GPC5: variants seen among roughly 807,000 people sequenced by gnomAD.
The protein encoded by GPC5 is glypican-5.
In GPC5, 47 loss-of-function variants were observed where a neutral mutation model predicts 53.9. The ratio of observed to expected loss-of-function variants is 0.87; its 90% CI spans 0.69 to 1.11. The LOEUF is 1.11. Among genes scored for constraint, GPC5 ranks in the 50% most tolerant of loss-of-function variants. The pLI, the probability that GPC5 is intolerant of heterozygous loss-of-function variation, is 0.00. For synonymous variants in GPC5, 286 were observed against 263.3 expected, an observed-to-expected ratio of 1.09 and a Z score of -0.84; for missense variants, 748 against 713.1, an observed-to-expected ratio of 1.05 and a Z score of -0.56.
chr13:92,040,075 G>A (rs1460110594), intron 6 of GPC5, among the ~76,000 whole-genome samples: 7 of 152,178 alleles, frequency 4.6e-5, no homozygotes, highest in Non-Finnish European at 1.0e-4. Context: ...GAGGATGTTG[G>A]TGGAGAGTAA....
chr13:92,400,316 C>T (rs1375791415), intron 7 of GPC5, among the ~76,000 whole-genome samples: 6 of 152,070 alleles, frequency 3.9e-5, no homozygotes, highest in South Asian at 2.1e-4. Flanking sequence ...GTTAGAATAA[C>T]GTAAAAACAG....
At chr13:92,751,018 T>G (rs1180531377) in intron 7 of GPC5, among the ~76,000 whole-genome samples, 1 of 152,122 alleles carries the variant, frequency 6.6e-6, no homozygotes, top group Admixed American at 6.5e-5. Flanking sequence ...ATAGGCATGC[T>G]TGTAGTATAA....
chr13:91,657,310 T>C (rs1176386982), intron 2 of GPC5, among the ~76,000 whole-genome samples: 1 of 152,048 alleles, frequency 6.6e-6, no homozygotes, highest in Non-Finnish European at 1.5e-5. Flanking sequence ...AAGGGAGAAA[T>C]CCAAGATGGT....
At chr13:92,320,508 C>T (rs2043208716) in intron 7 of GPC5, among the ~76,000 whole-genome samples, 1 of 152,018 alleles carries the variant, frequency 6.6e-6, no homozygotes. Flanking sequence ...TTTGGCTTTG[C>T]TTTGTTTAAA....
chr13:92,180,600 A>T (rs2042139677), intron 7 of GPC5: 1 of 153,802 alleles, frequency 6.5e-6, no homozygotes, highest in African/African-American at 2.4e-5. Flanking sequence ...GTTTGTGATA[A>T]AGATCACTGA....
intron 7 of GPC5, among the ~76,000 whole-genome samples, chr13:92,698,435 C>A (rs991296121): frequency 6.6e-6 from 1 of 151,856 alleles, no homozygotes; most frequent in Non-Finnish European, 1.5e-5. Flanking sequence ...TTTGTCCTTG[C>A]GATAGTTTGC....
intron 7 of GPC5, among the ~76,000 whole-genome samples, chr13:92,648,241 A>G (rs1171005200): frequency 6.6e-6 from 1 of 152,108 alleles, no homozygotes; most frequent in African/African-American, 2.4e-5. Context: ...ATTAGATAGA[A>G]TTATGCTGAG....
intron 6 of GPC5, among the ~76,000 whole-genome samples, chr13:91,974,395 T>C (rs1165450852): frequency 6.6e-6 from 1 of 152,110 alleles, no homozygotes; most frequent in African/African-American, 2.4e-5. Flanking sequence ...AAAATCTCCT[T>C]AAGCTGATAA....
chr13:92,131,333 G>A (rs556429947), intron 6 of GPC5, among the ~76,000 whole-genome samples: 3 of 152,082 alleles, frequency 2.0e-5, no homozygotes, highest in Non-Finnish European at 4.4e-5. Flanking sequence ...ACTCCTGGAT[G>A]TATATATTCA....
chr13:92,685,040 T>C (rs571624345), intron 7 of GPC5, among the ~76,000 whole-genome samples: 2 of 152,272 alleles, frequency 1.3e-5, no homozygotes, highest in Admixed American at 1.3e-4. Context: ...TATGCTGCCA[T>C]CAGTAATTTT....
rs577416965 is a variant in GPC5, at chr13:92,297,552, G to A, written c.1561+152563G>A. ...CTCAAGGTTTGTGAATGCACCAATC[G>A]ACACTCTGTATCTAGCTGCTCTGGT... On this transcript the variant is annotated intron_variant, in intron 7 of 7. Coordinates refer to ENST00000377067, the MANE Select transcript of GPC5 (RefSeq NM_004466.6). Among the ~76,000 whole-genome samples, 15 of 152,150 alleles carry A rather than the reference G, an allele frequency of 9.9e-5. No individual in the cohort carries two copies. In the South Asian group the frequency reaches 1.5e-3, roughly 15 times the overall value.
chr13:91,478,801 A>ATATG lies in GPC5; in HGVS notation c.325+29882_325+29883insGTAT, dbSNP rs368545648. Among the ~76,000 whole-genome samples, 887 of 105,396 alleles carry ATATG rather than the reference A, an allele frequency of 8.4e-3. 9 individuals carry two copies. Among genetic ancestry groups the ATATG allele is most frequent in the East Asian group, 0.033 (133 of 4,054 alleles). The allele number at this position is 105,396 out of a possible 152,430, so 69.1% of individuals were successfully genotyped here. ...ACTTATCCTCCATTTGAGTTTATATATATATATATATATATATATATACAC... is the reference window on the plus strand; with the variant it reads ...ACTTATCCTCCATTTGAGTTTATATATATGTATATATATATATATATATATACAC... On this transcript the variant is annotated intron_variant, in intron 2 of 7. Coordinates refer to ENST00000377067, the MANE Select transcript of GPC5 (RefSeq NM_004466.6).
chr13:91,975,755 G>T (rs2040294016), intron 6 of GPC5, among the ~76,000 whole-genome samples: 1 of 152,130 alleles, frequency 6.6e-6, no homozygotes, highest in Admixed American at 6.5e-5. Context: ...ATTTGACCCA[G>T]CCATCCCATT....
At chr13:92,344,255 A>C (rs2139253963) in intron 7 of GPC5, among the ~76,000 whole-genome samples, 1 of 152,168 alleles carries the variant, frequency 6.6e-6, no homozygotes, top group African/African-American at 2.4e-5. Context: ...AAGAGGGGAA[A>C]CCCCTTTATA....
At chr13:92,812,659 C>G (rs1877337309) in intron 7 of GPC5, among the ~76,000 whole-genome samples, 2 of 151,796 alleles carry the variant, frequency 1.3e-5, no homozygotes, top group East Asian at 3.9e-4. Flanking sequence ...ATAGAAGAGG[C>G]AGAAGTAAAA....
intron 7 of GPC5, among the ~76,000 whole-genome samples, chr13:92,757,384 G>A (rs1198346557): frequency 1.3e-5 from 2 of 152,172 alleles, no homozygotes; most frequent in Non-Finnish European, 2.9e-5. Flanking sequence ...AACCATGGAA[G>A]AAAACCTAGG....
intron 7 of GPC5, among the ~76,000 whole-genome samples, chr13:92,388,346 T>A (rs1459061096): frequency 6.6e-6 from 1 of 152,120 alleles, no homozygotes; most frequent in African/African-American, 2.4e-5. Context: ...TAGTATTACC[T>A]TACTGTAATC....
chr13:92,797,773 G>C (rs768629691), intron 7 of GPC5, among the ~76,000 whole-genome samples: 5 of 151,594 alleles, frequency 3.3e-5, no homozygotes, highest in Non-Finnish European at 5.9e-5. Context: ...ATGATAGATA[G>C]ATATAGACAG....
At chr13:92,104,505 C>G (rs954811165) in intron 6 of GPC5, among the ~76,000 whole-genome samples, 4 of 152,242 alleles carry the variant, frequency 2.6e-5, no homozygotes, top group African/African-American at 7.2e-5. Context: ...TCAAGAGGCT[C>G]TCTATGTAAG....
Sources: allele counts gnomAD v4.1 joint callset (sites outside exome capture counted in the v4.1 genomes callset), GRCh38; gene constraint gnomAD v4.1.1; transcripts MANE v1.5; gene names NCBI Gene and HGNC (gene_info 2026-07-23, HGNC 2026-07-21).